The following WWOX variants were observed in gnomAD, a reference collection of about 807,000 sequenced individuals.
WWOX encodes WW domain-containing oxidoreductase.
WWOX carries 69 observed loss-of-function variants against 46.2 expected under a neutral mutation model. The ratio of observed to expected loss-of-function variants is 1.49; its 90% CI spans 1.23 to 1.82. The LOEUF (loss-of-function observed/expected upper bound fraction) is 1.82. Among genes scored for constraint, WWOX ranks in the 40% most tolerant of loss-of-function variants. WWOX has a pLI of 0.00. For missense variants in WWOX, 919 were observed against 542.6 expected (o/e 1.69, Z -6.89); for synonymous variants, 359 against 202.6 (o/e 1.77, Z -6.56).
At chr16:78,746,959 A>G (rs1342534531) in intron 8 of WWOX, among the ~76,000 whole-genome samples, 2 of 152,104 alleles carry the variant, frequency 1.3e-5, no homozygotes. Flanking sequence ...CATTTAGAAT[A>G]AAAATACACG....
intron 8 of WWOX, among the ~76,000 whole-genome samples, chr16:78,933,354 G>T (rs1057282358): frequency 6.6e-6 from 1 of 152,228 alleles, no homozygotes; most frequent in African/African-American, 2.4e-5. Context: ...CAGGAGAACT[G>T]CTCGAACCCA....
At chr16:79,095,942 C>G (rs984499722) in intron 8 of WWOX, among the ~76,000 whole-genome samples, 24 of 148,862 alleles carry the variant, frequency 1.6e-4, no homozygotes, top group Non-Finnish European at 3.1e-4. Flanking sequence ...CTCTGCCTCC[C>G]AGGTTCAAGT....
chr16:78,985,774 GA>G (rs869191406), intron 8 of WWOX, among the ~76,000 whole-genome samples: 2 of 43,746 alleles, frequency 4.6e-5, no homozygotes, highest in African/African-American at 3.5e-5. Flanking sequence ...ATCTGAAAAA[GA>G]AAAAAAGAAT....
In WWOX at chr16:79,087,271, TG is replaced by T. The variant is rs1396263978; in HGVS notation, c.1057-124333del. On this transcript the variant is annotated intron_variant, in intron 8 of 8. Coordinates refer to ENST00000566780, the MANE Select transcript of WWOX (RefSeq NM_016373.4). ...TCCCCAGCCAGGAGCGTGTGAAGCA[TG>T]GGGACCTCCGGAATGTTCTCAGAAA... 4.6e-5 allele frequency among the ~76,000 whole-genome samples: 7 copies of T among 152,304 alleles called. No individual in the cohort carries two copies. The South Asian group carries it at 1.5e-3, about 32-fold the overall frequency.
intron 5 of WWOX, among the ~76,000 whole-genome samples, chr16:78,225,950 A>G (rs1279793224): frequency 6.6e-6 from 1 of 152,202 alleles, no homozygotes; most frequent in Non-Finnish European, 1.5e-5. Flanking sequence ...GACTTTAAAA[A>G]TAGTTCTAGT....
chr16:78,501,965 A>T (rs1368310973), intron 8 of WWOX, among the ~76,000 whole-genome samples: 1 of 152,114 alleles, frequency 6.6e-6, no homozygotes, highest in East Asian at 1.9e-4. Flanking sequence ...CTCAGAGTTA[A>T]CGTAGAAGGT....
chr16:78,660,480 A>G lies in WWOX; in HGVS notation c.1056+227728A>G, dbSNP rs77820566. Among the ~76,000 whole-genome samples, 869 of 152,242 alleles carry G rather than the reference A, an allele frequency of 5.7e-3. 7 individuals carry two copies. The highest frequency in any genetic ancestry group is 9.3e-3 in the Non-Finnish European group (631 of 68,028). On this transcript the variant is annotated intron_variant, in intron 8 of 8. Transcript: ENST00000566780. The stretch of plus-strand genomic sequence containing the variant: ...GGAGAGGAGCTGGGGTGGGCATATA[A>G]TGAGTAACATTCAAAGCTCCTTCTG...
chr16:78,737,769 T>G (rs570164204), intron 8 of WWOX, among the ~76,000 whole-genome samples: 6 of 152,182 alleles, frequency 3.9e-5, no homozygotes, highest in African/African-American at 9.6e-5. Context: ...TCACCTGATT[T>G]CCCCCATCTG....
At chr16:78,790,219 C>T (rs970906098) in intron 8 of WWOX, among the ~76,000 whole-genome samples, 1 of 152,134 alleles carries the variant, frequency 6.6e-6, no homozygotes, top group Non-Finnish European at 1.5e-5. Flanking sequence ...TCACTGCAAC[C>T]TGCTTCCTGG....
chr16:78,590,152 C>CTCTCTCTG (rs1415751102), intron 8 of WWOX, among the ~76,000 whole-genome samples: 4 of 150,762 alleles, frequency 2.7e-5, no homozygotes, highest in Non-Finnish European at 5.9e-5. Flanking sequence ...TTCAGTCTCT[C>CTCTCTCTG]TCTCTCTCTC....
chr16:78,125,994 A>G (rs2033344890), intron 4 of WWOX, among the ~76,000 whole-genome samples: 1 of 152,220 alleles, frequency 6.6e-6, no homozygotes. Context: ...ACCAGTTAGA[A>G]GTATACTATT....
chr16:78,644,966 C>T (rs1432425913), intron 8 of WWOX, among the ~76,000 whole-genome samples: 5 of 152,096 alleles, frequency 3.3e-5, no homozygotes, highest in African/African-American at 9.7e-5. Context: ...TATTAGTAAA[C>T]GGTGAGTTTT....
intron 8 of WWOX, among the ~76,000 whole-genome samples, chr16:78,922,297 AAG>A (rs1235135451): frequency 6.6e-6 from 1 of 152,126 alleles, no homozygotes; most frequent in Admixed American, 6.5e-5. Context: ...AAATCACATT[AAG>A]AGTCTCCAGA....
chr16:78,550,588 T>C (rs1040450889), intron 8 of WWOX, among the ~76,000 whole-genome samples: 4 of 152,262 alleles, frequency 2.6e-5, no homozygotes, highest in Admixed American at 2.0e-4. Context: ...TATGGATGAA[T>C]GCTCCTCTTT....
chr16:78,545,415 A>C (rs931760585), intron 8 of WWOX, among the ~76,000 whole-genome samples: 2 of 152,088 alleles, frequency 1.3e-5, no homozygotes, highest in African/African-American at 4.8e-5. Context: ...ATGGGATTTC[A>C]TTATGTTGCC....
At chr16:79,019,489 A>G (rs2047488252) in intron 8 of WWOX, among the ~76,000 whole-genome samples, 1 of 152,100 alleles carries the variant, frequency 6.6e-6, no homozygotes, top group Non-Finnish European at 1.5e-5. Context: ...ATATGATATT[A>G]TAATCTTTGG....
intron 8 of WWOX, among the ~76,000 whole-genome samples, chr16:78,939,770 C>T (rs1024641627): frequency 6.6e-6 from 1 of 152,200 alleles, no homozygotes; most frequent in Non-Finnish European, 1.5e-5. Context: ...ATGACAACTT[C>T]AGTTCTCCAA....
chr16:78,678,347 G>T (rs2047652608), intron 8 of WWOX, among the ~76,000 whole-genome samples: 1 of 152,196 alleles, frequency 6.6e-6, no homozygotes, highest in Non-Finnish European at 1.5e-5. Flanking sequence ...CTGCACTTCA[G>T]CCTGGGCAAC....
chr16:79,139,463 C>A (rs1454626301), intron 8 of WWOX, among the ~76,000 whole-genome samples: 1 of 152,180 alleles, frequency 6.6e-6, no homozygotes, highest in Non-Finnish European at 1.5e-5. Flanking sequence ...TTATATTTTT[C>A]AAGGCAAGCC....
Sources: gnomAD v4.1 joint callset for allele counts (sites outside exome capture counted in the v4.1 genomes callset) on GRCh38, gnomAD v4.1.1 for gene constraint, MANE v1.5 for transcripts, NCBI Gene and HGNC (gene_info 2026-07-23, HGNC 2026-07-21) for gene names.